Variants in EPHA6 observed in about 807,000 individuals in gnomAD.
EPHA6 encodes ephrin type-A receptor 6.
A neutral mutation model predicts 112.0 loss-of-function variants in EPHA6; 50 were observed. The ratio of observed to expected loss-of-function variants is 0.45; its 90% CI spans 0.36 to 0.56. The LOEUF (loss-of-function observed/expected upper bound fraction) is 0.56, where lower values mean the gene tolerates loss of function less well. Among genes scored for constraint, EPHA6 ranks in the 20% least tolerant of loss-of-function variants. The pLI is 0.00. For synonymous variants in EPHA6, 529 were observed against 490.7 expected (o/e 1.08, Z -1.03); for missense variants, 1,280 against 1,417.4 (o/e 0.90, Z 1.56).
Position 97,233,549 on chromosome 3 carries a change from G to C in EPHA6, c.1270+7130G>C, listed in dbSNP as rs990335933. On this transcript the variant is annotated intron_variant, in intron 4 of 17. Coordinates refer to ENST00000389672, the MANE Select transcript of EPHA6 (RefSeq NM_001080448.3). ...CACAAACAGTAGCAATATTTTAATAGATATGCATTCTCTCCATGCTAGATA... is the reference window on the plus strand; with the variant it reads ...CACAAACAGTAGCAATATTTTAATACATATGCATTCTCTCCATGCTAGATA... Among the ~76,000 whole-genome samples, 3 of 152,138 alleles carry C rather than the reference G, an allele frequency of 2.0e-5. No homozygotes were observed. In the South Asian group the frequency reaches 6.2e-4, roughly 32 times the overall value.
chr3:96,863,772 G>T (rs1265169800), intron 1 of EPHA6, among the ~76,000 whole-genome samples: 1 of 151,824 alleles, frequency 6.6e-6, no homozygotes, highest in Non-Finnish European at 1.5e-5. Context: ...TAACTTATTG[G>T]TCATAATTCC....
intron 14 of EPHA6, among the ~76,000 whole-genome samples, chr3:97,649,774 A>T (rs2098506561): frequency 6.6e-6 from 1 of 151,924 alleles, no homozygotes; most frequent in South Asian, 2.1e-4. Flanking sequence ...TCACACACAC[A>T]CACACACACA....
intron 3 of EPHA6, among the ~76,000 whole-genome samples, chr3:97,062,942 A>T (rs780976442): frequency 2.0e-5 from 3 of 149,544 alleles, no homozygotes; most frequent in Admixed American, 6.7e-5. Flanking sequence ...CAATTATATG[A>T]AAAAAAAAAG....
intron 5 of EPHA6, among the ~76,000 whole-genome samples, chr3:97,370,636 T>C (rs1271791619): frequency 6.6e-6 from 1 of 152,130 alleles, no homozygotes; most frequent in Non-Finnish European, 1.5e-5. Flanking sequence ...GGCTATAATA[T>C]ATTTAAGGTT....
intron 7 of EPHA6, among the ~76,000 whole-genome samples, chr3:97,473,032 C>T (rs540471829): frequency 5.5e-4 from 84 of 151,784 alleles, no homozygotes; most frequent in Non-Finnish European, 8.9e-4. Context: ...AATGAATTGA[C>T]GCTCATAGTT....
chr3:96,859,538 C>T (rs1252647753), intron 1 of EPHA6, among the ~76,000 whole-genome samples: 1 of 151,912 alleles, frequency 6.6e-6, no homozygotes, highest in Non-Finnish European at 1.5e-5. Flanking sequence ...CACACAACCA[C>T]ACCTGGCTAA....
At chr3:97,640,638 G>T (rs2093994122) in intron 14 of EPHA6, among the ~76,000 whole-genome samples, 1 of 151,956 alleles carries the variant, frequency 6.6e-6, no homozygotes, top group African/African-American at 2.4e-5. Context: ...AAATTAGCCA[G>T]GCGTGGTGGC....
At chr3:97,362,839 G>A (rs1047804313) in intron 5 of EPHA6, among the ~76,000 whole-genome samples, 1 of 151,616 alleles carries the variant, frequency 6.6e-6, no homozygotes, top group African/African-American at 2.4e-5. Flanking sequence ...GTCCTAGTTA[G>A]TAAATTTATT....
rs189190797 is a variant in EPHA6 at position 96,857,942 on chromosome 3, A to G, written c.386-8883A>G. Reference sequence around the variant, plus strand: ...AGGTGACTGTGAAATCTGAATGTTCAGGAATAGAATTTAGTTGGCTGCTTG... The same window carrying G: ...AGGTGACTGTGAAATCTGAATGTTCGGGAATAGAATTTAGTTGGCTGCTTG... On this transcript the variant is annotated intron_variant, in intron 1 of 17. Coordinates refer to ENST00000389672, the MANE Select transcript of EPHA6 (RefSeq NM_001080448.3). Among the ~76,000 whole-genome samples the G allele has an allele frequency of 1.9e-3, 286 of 152,256 alleles. 1 individual carries two copies. Among genetic ancestry groups the G allele is most frequent in the Non-Finnish European group, 2.7e-3 (181 of 68,006 alleles).
At chr3:96,936,667 G>C (rs2040601870) in intron 2 of EPHA6, among the ~76,000 whole-genome samples, 1 of 151,760 alleles carries the variant, frequency 6.6e-6, no homozygotes. Context: ...GTGCAGGTTT[G>C]TTACATACGT....
intron 2 of EPHA6, among the ~76,000 whole-genome samples, chr3:96,888,569 A>G (rs1009903988): frequency 6.6e-6 from 1 of 152,116 alleles, no homozygotes. Flanking sequence ...CATCCTCTGA[A>G]GCCACAGCCT....
chr3:97,541,547 C>G (rs1396444878), intron 11 of EPHA6, among the ~76,000 whole-genome samples: 1 of 152,006 alleles, frequency 6.6e-6, no homozygotes, highest in African/African-American at 2.4e-5. Context: ...TTTCGCTGCT[C>G]CAGGATCCAG....
intron 1 of EPHA6, among the ~76,000 whole-genome samples, chr3:96,826,077 T>C (rs1373866507): frequency 6.6e-6 from 1 of 151,902 alleles, no homozygotes; most frequent in Non-Finnish European, 1.5e-5. Context: ...TTTTATAAGG[T>C]TAGATTAATA....
At chr3:97,074,027 A>G (rs1175927268) in intron 3 of EPHA6, among the ~76,000 whole-genome samples, 2 of 151,740 alleles carry the variant, frequency 1.3e-5, no homozygotes, top group African/African-American at 4.8e-5. Context: ...TACTGATTAT[A>G]TATGCTATTT....
intron 13 of EPHA6, among the ~76,000 whole-genome samples, chr3:97,624,561 A>G (rs980438474): frequency 2.0e-5 from 3 of 151,530 alleles, no homozygotes; most frequent in Non-Finnish European, 4.4e-5. Flanking sequence ...GGTAATGTTC[A>G]TGGAATGAAT....
intron 12 of EPHA6, among the ~76,000 whole-genome samples, chr3:97,606,572 A>G (rs1168702083): frequency 6.6e-6 from 1 of 151,346 alleles, no homozygotes; most frequent in African/African-American, 2.4e-5. Flanking sequence ...AGGAAATGTT[A>G]AAAGTTTGGA....
chr3:97,466,258 T>A, intron 7 of EPHA6: 1 of 1,102,448 alleles, frequency 9.1e-7, no homozygotes, highest in South Asian at 1.2e-5. Flanking sequence ...AATCAAAAGA[T>A]GACAGTAAGG....
chr3:97,332,096 G>A lies in EPHA6; in HGVS notation c.1607-73054G>A, dbSNP rs189143499. Among the ~76,000 whole-genome samples, 441 of 152,224 alleles carry A rather than the reference G, an allele frequency of 2.9e-3. 2 individuals are homozygous for A. Among genetic ancestry groups the A allele is most frequent in the African/African-American group, 9.9e-3 (410 of 41,552 alleles). ...GCTTCATCCCTGGGATGCAAGGGTG[G>A]TTCAACATACACAAATCAATAAACG... is the stretch of plus-strand genomic sequence containing the variant. On this transcript the variant is annotated intron_variant, in intron 5 of 17. Coordinates refer to ENST00000389672, the MANE Select transcript of EPHA6 (RefSeq NM_001080448.3).
In EPHA6 at chr3:97,392,957, A is replaced by T. The variant is rs1207646741; in HGVS notation, c.1607-12193A>T. 2.6e-5 allele frequency among the ~76,000 whole-genome samples: 4 copies of T among 151,798 alleles called. No homozygotes were observed. The Admixed American group carries it at 2.6e-4, about 10-fold the overall frequency. On this transcript the variant is annotated intron_variant, in intron 5 of 17. Coordinates refer to ENST00000389672, the MANE Select transcript of EPHA6 (RefSeq NM_001080448.3). ...TTCTACATTTAAAACCTATTTTAAA[A>T]TTATCATATGTAATTTGTATAATTG...
Sources: gnomAD v4.1 joint callset for allele counts (sites outside exome capture counted in the v4.1 genomes callset) on GRCh38, gnomAD v4.1.1 for gene constraint, MANE v1.5 for transcripts, NCBI Gene and HGNC (gene_info 2026-07-23, HGNC 2026-07-21) for gene names.